The following NDST1 variants were observed in gnomAD, a reference collection of about 807,000 sequenced individuals.
NDST1 encodes N-deacetylase and N-sulfotransferase 1.
Under a neutral mutation model 92.8 loss-of-function variants are expected in NDST1, and 35 were observed. The ratio of observed to expected loss-of-function variants is 0.38; its 90% CI spans 0.29 to 0.50. The LOEUF is 0.50. Among genes scored for constraint, NDST1 ranks in the 20% least tolerant of loss-of-function variants. The pLI is 0.94. For missense variants in NDST1, 822 were observed against 1,182.7 expected (o/e 0.69, Z 4.47); for synonymous variants, 493 against 500.3 (o/e 0.99, Z 0.19).
At chr5:150,504,250 AG>A (rs1249638413), upstream of NDST1, among the ~76,000 whole-genome samples, 1 of 152,130 alleles carries the variant, frequency 6.6e-6, no homozygotes, top group Non-Finnish European at 1.5e-5. Context: ...TTATTTTCCC[AG>A]GGCCCAGGAG....
At chr5:150,548,430 T>G in intron 12 of NDST1, 42 bp downstream of exon 12, 1 of 1,598,190 alleles carries the variant, frequency 6.3e-7, no homozygotes. Flanking sequence ...GTCACAGTAC[T>G]GGCTTGCTGT....
At chr5:150,529,651 A>T (rs1032896014) in intron 3 of NDST1, among the ~76,000 whole-genome samples, 8 of 152,272 alleles carry the variant, frequency 5.3e-5, no homozygotes, top group Non-Finnish European at 1.2e-4. Flanking sequence ...CAATAAATCC[A>T]ATGAAAACAA....
In NDST1 at chr5:150,555,181, C is replaced by G. The variant is rs574201066; in HGVS notation, c.*1849C>G. Reference sequence around the variant, plus strand: ...CTGAGCCCATCCTTGGGACCCTACTCTGTGCCAGGTTCCTGTCCCTTCCTC... The same window carrying G: ...CTGAGCCCATCCTTGGGACCCTACTGTGTGCCAGGTTCCTGTCCCTTCCTC... On this transcript the variant is annotated 3_prime_UTR_variant, in exon 15 of 15. Coordinates refer to ENST00000261797, the MANE Select transcript of NDST1 (RefSeq NM_001543.5). 6.5e-6 allele frequency: 1 copy of G among 152,886 alleles called. No homozygotes were observed. The highest frequency in any genetic ancestry group is 1.5e-5 in the Non-Finnish European group (1 of 68,190). 9.5% of individuals were successfully genotyped at this position (152,886 alleles called of 1,614,324 possible).
At chr5:150,547,885 A>G (rs1478272487) in intron 11 of NDST1, among the ~76,000 whole-genome samples, 2 of 152,138 alleles carry the variant, frequency 1.3e-5, no homozygotes, top group Non-Finnish European at 2.9e-5. Context: ...GGGTTTCGCC[A>G]CATTGGCCAG....
chr5:150,537,137 C>T (rs1048092472), intron 6 of NDST1, among the ~76,000 whole-genome samples: 4 of 152,190 alleles, frequency 2.6e-5, no homozygotes, highest in Non-Finnish European at 4.4e-5. Flanking sequence ...CTCTTAATCC[C>T]GTCATCTTCA....
chr5:150,549,890 A>T, intron 13 of NDST1, 103 bp downstream of exon 13: 1 of 748,828 alleles, frequency 1.3e-6, no homozygotes, highest in Admixed American at 2.0e-5. Context: ...AGTTAGTTAG[A>T]GTCAGAAAGT....
At chr5:150,516,991 GT>G (rs1390849679) in intron 1 of NDST1, among the ~76,000 whole-genome samples, 1 of 99,590 alleles carries the variant, frequency 1.0e-5, no homozygotes, top group Non-Finnish European at 2.7e-5. Flanking sequence ...GTGTGTGTGT[GT>G]GTGTGTGTGT....
At chr5:150,535,625 A>T in intron 5 of NDST1, 75 bp from the exon 6 acceptor site, 1 of 1,550,886 alleles carries the variant, frequency 6.4e-7, no homozygotes, top group Non-Finnish European at 8.9e-7. Flanking sequence ...TCTCTCTCCC[A>T]TTCTACAAAG....
chr5:150,510,121 G>A (rs571734314), intron 1 of NDST1, among the ~76,000 whole-genome samples: 27 of 152,340 alleles, frequency 1.8e-4, no homozygotes, highest in Non-Finnish European at 3.1e-4. Context: ...ACTTCGAGCG[G>A]TTGCTTACCC....
Position 150,500,802 on chromosome 5 carries a change from C to A in NDST1, c.-388+2563C>A, listed in dbSNP as rs137970112. 3.9e-5 allele frequency among the ~76,000 whole-genome samples: 6 copies of A among 152,324 alleles called. No individual in the cohort carries two copies. In the South Asian group the frequency reaches 8.3e-4, roughly 21 times the overall value. On this transcript the variant is annotated intron_variant, in intron 1 of 1. Coordinates refer to the NDST1 transcript ENST00000518299. ...CAGGCATGAACAAGCCATTTACAGC[C>A]GGGTAAACTGAGGTACATAGAGGGA... is the stretch of plus-strand genomic sequence containing the variant.
At chr5:150,522,277 G>A (rs528593275) in intron 2 of NDST1, among the ~76,000 whole-genome samples, 7 of 152,148 alleles carry the variant, frequency 4.6e-5, no homozygotes, top group East Asian at 3.9e-4. Context: ...GGAGTATGGC[G>A]TTAATATACC....
chr5:150,515,928 G>A (rs1278072106), intron 1 of NDST1, among the ~76,000 whole-genome samples: 1 of 152,162 alleles, frequency 6.6e-6, no homozygotes, highest in Non-Finnish European at 1.5e-5. Context: ...CGGCTGAGTG[G>A]CTGGCACTTT....
At chr5:150,535,939 CAT>C in intron 6 of NDST1, 54 bp downstream of exon 6, 15 of 1,558,064 alleles carry the variant, frequency 9.6e-6, no homozygotes, top group Non-Finnish European at 1.3e-5. Flanking sequence ...CACAGTCTGT[CAT>C]GTGTGTGCAT....
At chr5:150,510,461 C>T (rs1028048943) in intron 1 of NDST1, among the ~76,000 whole-genome samples, 1 of 152,224 alleles carries the variant, frequency 6.6e-6, no homozygotes, top group Non-Finnish European at 1.5e-5. Flanking sequence ...TGTGATGGAC[C>T]TGACAGCCTT....
At chr5:150,532,825 C>G in intron 3 of NDST1, 120 bp from the exon 4 acceptor site, 1 of 972,622 alleles carries the variant, frequency 1.0e-6, no homozygotes, top group Non-Finnish European at 1.7e-6. Context: ...CCACGCCGTC[C>G]TTGACATTCT....
At position 150,511,618 on chromosome 5, in the gene NDST1, G is replaced by T. The variant is rs143181761; in HGVS notation, c.-388+3392G>T. On this transcript the variant is annotated intron_variant, in intron 1 of 14. Coordinates refer to ENST00000261797, the MANE Select transcript of NDST1 (RefSeq NM_001543.5). The stretch of plus-strand genomic sequence containing the variant: ...TACTGCAGGGTAGACTGTGCTCTCT[G>T]TGGCCCTGCGACTCTGAGCCAGACC... Among the ~76,000 whole-genome samples the T allele has an allele frequency of 3.2e-3, 494 of 152,170 alleles. 3 individuals carry two copies. The highest frequency in any genetic ancestry group is 0.011 in the African/African-American group (476 of 41,482).
intron 14 of NDST1, among the ~76,000 whole-genome samples, chr5:150,552,869 G>A (rs1046352420): frequency 2.0e-5 from 3 of 151,866 alleles, no homozygotes; most frequent in East Asian, 1.9e-4. Context: ...CTTTTGAGAC[G>A]GAGTTTCGCT....
chr5:150,552,068 G>A (rs1246006520), intron 14 of NDST1, among the ~76,000 whole-genome samples: 1 of 152,204 alleles, frequency 6.6e-6, no homozygotes, highest in African/African-American at 2.4e-5. Flanking sequence ...CTTCTACTAA[G>A]GGCTGAGTGC....
At chr5:150,551,588 A>G (rs192656975) in intron 13 of NDST1, among the ~76,000 whole-genome samples, 165 bp from the exon 14 acceptor site, 1 of 152,328 alleles carries the variant, frequency 6.6e-6, no homozygotes, top group East Asian at 1.9e-4. Context: ...GCAGCCTAGG[A>G]CACATTTGAT....
Sources: allele counts gnomAD v4.1 joint callset (sites outside exome capture counted in the v4.1 genomes callset), GRCh38; gene constraint gnomAD v4.1.1; transcripts MANE v1.5; gene names NCBI Gene and HGNC (gene_info 2026-07-23, HGNC 2026-07-21).